The following AK5 variants were observed in gnomAD, a reference collection of about 807,000 sequenced individuals.
AK5 encodes adenylate kinase isoenzyme 5.
In AK5, 27 loss-of-function variants were observed where a neutral mutation model predicts 69.5. The observed-to-expected ratio is 0.39, with a 90% CI of 0.29 to 0.54. The LOEUF (loss-of-function observed/expected upper bound fraction) is 0.54. Ranked by LOEUF, AK5 falls within the 20% of genes least tolerant of loss-of-function variation. The pLI, the probability that AK5 is intolerant of heterozygous loss-of-function variation, is 0.71. For synonymous variants in AK5, 260 were observed against 244.4 expected (o/e 1.06, Z -0.60); for missense variants, 531 against 700.4 (o/e 0.76, Z 2.73).
intron 6 of AK5, among the ~76,000 whole-genome samples, chr1:77,378,252 T>C (rs769783941): frequency 1.6e-4 from 25 of 152,220 alleles, no homozygotes; most frequent in Non-Finnish European, 2.9e-4. Flanking sequence ...TCTTCTTATA[T>C]GTGCATATTG....
At chr1:77,369,672 G>GA (rs1460062259) in intron 6 of AK5, among the ~76,000 whole-genome samples, 1 of 152,046 alleles carries the variant, frequency 6.6e-6, no homozygotes, top group Middle Eastern at 3.2e-3. Context: ...ATACAGTATA[G>GA]AAAAATGGTA....
At chr1:77,340,793 A>G in intron 6 of AK5, 1 of 411,418 alleles carries the variant, frequency 2.4e-6, no homozygotes, top group Non-Finnish European at 4.3e-6. Flanking sequence ...ATGAAAGAAG[A>G]TAAATTTTAA....
rs773232937 is a variant in AK5, at chr1:77,518,707, C to T, written c.1291C>T (p.Arg431Cys). The T allele has an allele frequency of 2.5e-6, 4 of 1,614,162 alleles. No homozygotes were observed. The highest frequency in any genetic ancestry group is 3.3e-5 in the Admixed American group (2 of 60,030). Residue 431 changes from arginine (R) to cysteine (C), a missense_variant, in exon 11 of 14, where the codon CGT becomes TGT. Arg to Cys is a radical substitution (Grantham distance 180). Transcript: ENST00000354567. ...CAAATTGATCAGAGACATTATGGAA[C>T]GTGGAGACCTGGTGCCCTCAGTAAG... ...RSKLIRDIME[R>C]GDLVPSGIVL...
intron 8 of AK5, among the ~76,000 whole-genome samples, chr1:77,449,715 T>C (rs1653016388): frequency 6.6e-6 from 1 of 152,160 alleles, no homozygotes; most frequent in Non-Finnish European, 1.5e-5. Context: ...ACTCCCACAA[T>C]TCCTGCCTTT....
At chr1:77,361,485 C>G (rs973272323) in intron 6 of AK5, among the ~76,000 whole-genome samples, 5 of 152,102 alleles carry the variant, frequency 3.3e-5, no homozygotes, top group African/African-American at 1.2e-4. Context: ...AAGTGAAATA[C>G]TATTAAGACT....
chr1:77,313,402 A>C (rs1483083660), intron 5 of AK5, among the ~76,000 whole-genome samples: 1 of 152,094 alleles, frequency 6.6e-6, no homozygotes, highest in Non-Finnish European at 1.5e-5. Context: ...GGCTGCAGAC[A>C]ATTTTTTAGG....
intron 10 of AK5, among the ~76,000 whole-genome samples, chr1:77,498,654 C>T (rs12093263): frequency 0.38 from 57,539 of 151,918 alleles, 11,329 homozygotes; most frequent in Middle Eastern, 0.51. Flanking sequence ...CAGCAGGGCT[C>T]CTAGTGAATA....
intron 8 of AK5, among the ~76,000 whole-genome samples, chr1:77,442,764 G>A (rs2100639181): frequency 6.6e-6 from 1 of 152,292 alleles, no homozygotes; most frequent in Non-Finnish European, 1.5e-5. Flanking sequence ...GTCACCATCT[G>A]CATAATTGTT....
chr1:77,517,875 T>C (rs1258740565), intron 10 of AK5, among the ~76,000 whole-genome samples: 4 of 152,184 alleles, frequency 2.6e-5, no homozygotes, highest in Admixed American at 6.5e-5. Context: ...GAGGACATTA[T>C]TGAGTCAATT....
At position 77,306,494 on chromosome 1, in the gene AK5, G is replaced by GTT. The variant is rs869202567; in HGVS notation, c.699+8563_699+8564dup. ...AATTCAATTTGCTAGGTTTTTTTTT[G>GTT]TTTTTTTTTTTTTTTTTGAGGATTT... On this transcript the variant is annotated intron_variant, in intron 5 of 13. Coordinates refer to ENST00000354567, the MANE Select transcript of AK5 (RefSeq NM_174858.3). Among the ~76,000 whole-genome samples, 662 of 120,338 alleles carry GTT rather than the reference G, an allele frequency of 5.5e-3. 9 individuals are homozygous for GTT. Among genetic ancestry groups the GTT allele is most frequent in the African/African-American group, 0.018 (590 of 32,102 alleles). 78.9% of individuals were successfully genotyped at this position (120,338 alleles called of 152,430 possible). A position where few individuals can be genotyped will look rare whatever the true frequency, so the allele number is the denominator to read the frequency against.
chr1:77,288,704 T>C (rs1197085599), intron 2 of AK5, among the ~76,000 whole-genome samples: 1 of 152,214 alleles, frequency 6.6e-6, no homozygotes, highest in Non-Finnish European at 1.5e-5. Flanking sequence ...AGTAATGAGA[T>C]GTCTGAAACT....
At chr1:77,554,561 A>ACTT (rs1233251558) in intron 13 of AK5, among the ~76,000 whole-genome samples, 4 of 152,070 alleles carry the variant, frequency 2.6e-5, no homozygotes, top group African/African-American at 7.2e-5. Context: ...TTTGCCTTGC[A>ACTT]CTTCAACCTT....
intron 5 of AK5, among the ~76,000 whole-genome samples, chr1:77,302,079 T>C (rs1659371754): frequency 6.6e-6 from 1 of 152,136 alleles, no homozygotes; most frequent in East Asian, 1.9e-4. Context: ...TAAAAACTTT[T>C]TGTGGAGACA....
At chr1:77,394,221 A>G (rs1171597859) in intron 6 of AK5, among the ~76,000 whole-genome samples, 1 of 151,966 alleles carries the variant, frequency 6.6e-6, no homozygotes, top group East Asian at 1.9e-4. Flanking sequence ...TCTCAAAAAA[A>G]AAAAAAGAAA....
intron 2 of AK5, among the ~76,000 whole-genome samples, chr1:77,287,657 T>C (rs1167203): frequency 0.99 from 150,092 of 152,362 alleles, 73,971 homozygotes; most frequent in Middle Eastern, 1. Flanking sequence ...GAACAATTCA[T>C]GAATTGGGCA....
rs1657995564 is a variant in AK5 at position 77,521,730 on chromosome 1, C to T, written c.1312-97C>T. On this transcript the variant is annotated intron_variant, in intron 11 of 13. Transcript: ENST00000354567. ...TGTCTGCTGTTAACCTTACCTGAAC[C>T]TTCCTCCCTCCCTCAGTGGATGACT... 4 of 853,812 alleles carry T rather than the reference C, an allele frequency of 4.7e-6. 1 individual carries two copies. Among genetic ancestry groups the T allele is most frequent in the South Asian group, 3.0e-5 (2 of 67,790 alleles). The allele number at this position is 853,812 out of a possible 1,614,324, so 52.9% of individuals were successfully genotyped here.
chr1:77,371,225 C>G (rs1201421903), intron 6 of AK5, among the ~76,000 whole-genome samples: 1 of 152,168 alleles, frequency 6.6e-6, no homozygotes, highest in Non-Finnish European at 1.5e-5. Context: ...GACCAGGACC[C>G]CTTCTTGGCA....
intron 6 of AK5, among the ~76,000 whole-genome samples, chr1:77,368,254 A>ATATATAT: frequency 2.7e-5 from 1 of 36,626 alleles, no homozygotes; most frequent in South Asian, 1.8e-3. Context: ...TATATATATA[A>ATATATAT]TATATATGTT....
At chr1:77,338,435 G>A (rs180988463) in intron 5 of AK5, among the ~76,000 whole-genome samples, 1 of 152,350 alleles carries the variant, frequency 6.6e-6, no homozygotes, top group Non-Finnish European at 1.5e-5. Flanking sequence ...TAGGTGGGAA[G>A]TTGCTGAGAT....
Sources: gnomAD v4.1 joint callset for allele counts (sites outside exome capture counted in the v4.1 genomes callset) on GRCh38, gnomAD v4.1.1 for gene constraint, MANE v1.5 for transcripts, NCBI Gene and HGNC (gene_info 2026-07-23, HGNC 2026-07-21) for gene names.